The following DOCK4 variants were observed in gnomAD, a reference collection of about 807,000 sequenced individuals.
The protein encoded by DOCK4 is dedicator of cytokinesis 4.
In DOCK4, 97 loss-of-function variants were observed where a neutral mutation model predicts 268.1. That is an observed-to-expected ratio of 0.36 (90% CI 0.31 to 0.43). The LOEUF (loss-of-function observed/expected upper bound fraction) is 0.43. Ranked by LOEUF, DOCK4 falls within the 20% of genes least tolerant of loss-of-function variation. DOCK4 has a pLI of 1.00. For synonymous variants in DOCK4, 954 were observed against 887.2 expected (o/e 1.08, Z -1.34); for missense variants, 2,145 against 2,455.7 (o/e 0.87, Z 2.67).
intron 1 of DOCK4, among the ~76,000 whole-genome samples, chr7:112,013,598 TGGG>T (rs1476735303): frequency 2.0e-5 from 3 of 152,232 alleles, no homozygotes; most frequent in Admixed American, 2.0e-4. Context: ...ACTTGACATG[TGGG>T]CCTCTTACTC....
chr7:112,200,733 A>AAAAAC (rs1554478910), intron 1 of DOCK4, among the ~76,000 whole-genome samples: 6 of 117,760 alleles, frequency 5.1e-5, no homozygotes, highest in South Asian at 2.9e-4. Flanking sequence ...AATAAAAAAA[A>AAAAAC]AAAAACAAAA....
chr7:111,949,291 T>C (rs1418906260), intron 8 of DOCK4, among the ~76,000 whole-genome samples: 2 of 152,220 alleles, frequency 1.3e-5, no homozygotes, highest in Admixed American at 1.3e-4. Flanking sequence ...TAGGGCATTT[T>C]CAATATTAAA....
At chr7:112,168,036 CAT>C (rs1343203873) in intron 1 of DOCK4, among the ~76,000 whole-genome samples, 4 of 151,152 alleles carry the variant, frequency 2.6e-5, no homozygotes, top group Admixed American at 1.3e-4. Flanking sequence ...GAATCTACCA[CAT>C]GTCACAATTT....
intron 1 of DOCK4, among the ~76,000 whole-genome samples, chr7:112,081,551 A>C (rs993393486): frequency 3.3e-5 from 5 of 152,166 alleles, no homozygotes; most frequent in Middle Eastern, 3.2e-3. Flanking sequence ...ATTCTTCTAG[A>C]AAGATCCCAG....
At chr7:111,765,812 A>G (rs967924192) in intron 38 of DOCK4, among the ~76,000 whole-genome samples, 1 of 152,228 alleles carries the variant, frequency 6.6e-6, no homozygotes, top group East Asian at 1.9e-4. Flanking sequence ...AGTGCGCCTG[A>G]CAATGTTGAA....
chr7:111,743,112 G>C (rs1263701317), intron 44 of DOCK4, among the ~76,000 whole-genome samples: 1 of 152,222 alleles, frequency 6.6e-6, no homozygotes, highest in Non-Finnish European at 1.5e-5. Flanking sequence ...GATCCGAAGA[G>C]ATGAAGGTAA....
At chr7:112,103,648 G>A (rs192817682) in intron 1 of DOCK4, among the ~76,000 whole-genome samples, 3 of 152,260 alleles carry the variant, frequency 2.0e-5, no homozygotes, top group Admixed American at 1.3e-4. Flanking sequence ...TTGGGAGGCC[G>A]AAGCAGACGA....
intron 1 of DOCK4, among the ~76,000 whole-genome samples, chr7:112,162,074 A>T (rs117531503): frequency 6.6e-6 from 1 of 152,324 alleles, no homozygotes; most frequent in Non-Finnish European, 1.5e-5. Context: ...TTAAAAAATG[A>T]TAATGTAAAT....
Position 111,735,165 on chromosome 7 carries a change from C to G in DOCK4, c.5308G>C (p.Val1770Leu). 1 of 1,578,426 alleles carries G rather than the reference C, an allele frequency of 6.3e-7. No individual in the cohort carries two copies. Among genetic ancestry groups the G allele is most frequent in the Non-Finnish European group, 8.6e-7 (1 of 1,161,092 alleles). The change falls in exon 51 of 53, where the codon GTG becomes CTG. Residue 1770 changes from valine to leucine, a missense_variant and splice_region_variant. Transcript: ENST00000428084. Reference protein sequence around the residue: ...DPNLSAPEKAVNPTPSSWSLD... With the variant: ...DPNLSAPEKALNPTPSSWSLD... Reference sequence around the variant, plus strand: ...CTCCAGCTGCTAGGGGTGGGGTTCACAGCTGGAAGGGAATAACACAGCTAA... The same window carrying G: ...CTCCAGCTGCTAGGGGTGGGGTTCAGAGCTGGAAGGGAATAACACAGCTAA...
At chr7:111,734,376 G>T (rs1795322108) in intron 51 of DOCK4, among the ~76,000 whole-genome samples, 1 of 152,032 alleles carries the variant, frequency 6.6e-6, no homozygotes, top group South Asian at 2.1e-4. Context: ...TTGTAGAGAC[G>T]GGGTTTTGTC....
At position 112,191,165 on chromosome 7, in the gene DOCK4, A is replaced by G. The variant is rs78355665; in HGVS notation, c.37+14937T>C. ...CTAGTCACAGGTGGGATCACAGCTC[A>G]CTGCAGCCTCAAACTCCAGGGCTCA... On this transcript the variant is annotated intron_variant, in intron 1 of 52. Coordinates refer to ENST00000428084, the MANE Select transcript of DOCK4 (RefSeq NM_001363540.2). 1.2e-3 allele frequency among the ~76,000 whole-genome samples: 187 copies of G among 152,274 alleles called. 3 individuals are homozygous for G. The East Asian group carries it at 0.033, about 27-fold the overall frequency.
chr7:111,902,652 C>A (rs540483193), intron 13 of DOCK4, among the ~76,000 whole-genome samples: 296 of 152,260 alleles, frequency 1.9e-3, no homozygotes, highest in African/African-American at 6.6e-3. Context: ...CAACAAAGCA[C>A]AACTAGAAAG....
intron 1 of DOCK4, among the ~76,000 whole-genome samples, chr7:112,035,030 C>A (rs1463981272): frequency 6.6e-6 from 1 of 152,132 alleles, no homozygotes; most frequent in Non-Finnish European, 1.5e-5. Context: ...CTAGGAAAGT[C>A]CTGGACACAC....
intron 1 of DOCK4, among the ~76,000 whole-genome samples, chr7:112,069,400 C>A (rs1807376091): frequency 6.6e-6 from 1 of 152,174 alleles, no homozygotes; most frequent in South Asian, 2.1e-4. Context: ...TAAGTAGCAT[C>A]ATGTCATTGT....
intron 13 of DOCK4, among the ~76,000 whole-genome samples, chr7:111,908,402 C>T (rs891670760): frequency 2.0e-5 from 3 of 151,848 alleles, no homozygotes; most frequent in Non-Finnish European, 2.9e-5. Flanking sequence ...GAGCCGAGAT[C>T]GTGCCACTGC....
intron 26 of DOCK4, among the ~76,000 whole-genome samples, chr7:111,827,158 T>G (rs1023238900): frequency 6.6e-6 from 1 of 152,212 alleles, no homozygotes; most frequent in Non-Finnish European, 1.5e-5. Flanking sequence ...GATGTGAGGT[T>G]TGAATTCAAT....
intron 1 of DOCK4, among the ~76,000 whole-genome samples, chr7:112,103,445 G>A (rs2560650): frequency 0.42 from 63,296 of 151,954 alleles, 13,601 homozygotes; most frequent in East Asian, 0.75. Context: ...AACCCACAAA[G>A]TGTGATCTCC....
chr7:111,835,232 A>G (rs1803146954), intron 25 of DOCK4, among the ~76,000 whole-genome samples: 1 of 152,152 alleles, frequency 6.6e-6, no homozygotes, highest in Admixed American at 6.5e-5. Flanking sequence ...CCATTTTTGA[A>G]TTCAAATGAC....
chr7:112,030,275 G>T (rs1004405383), intron 1 of DOCK4, among the ~76,000 whole-genome samples: 3 of 152,178 alleles, frequency 2.0e-5, no homozygotes, highest in African/African-American at 7.2e-5. Context: ...ATTCATGTTG[G>T]ATTTGAACAG....
Sources: gnomAD v4.1 joint callset for allele counts (sites outside exome capture counted in the v4.1 genomes callset) on GRCh38, gnomAD v4.1.1 for gene constraint, MANE v1.5 for transcripts, NCBI Gene and HGNC (gene_info 2026-07-23, HGNC 2026-07-21) for gene names.